RREB1: variants seen among roughly 807,000 people sequenced by gnomAD.
RREB1 encodes ras-responsive element-binding protein 1.
RREB1 carries 27 observed loss-of-function variants against 117.8 expected under a neutral mutation model. The ratio of observed to expected loss-of-function variants is 0.23; its 90% CI spans 0.17 to 0.32. RREB1 has a LOEUF of 0.32. RREB1 is among the 10% of genes least tolerant of loss of function. The pLI is 1.00. For missense variants in RREB1, 2,577 were observed against 2,378.2 expected (o/e 1.08, Z -1.74); for synonymous variants, 1,298 against 1,026.7 (o/e 1.26, Z -5.05).
intron 10 of RREB1, among the ~76,000 whole-genome samples, chr6:7,233,110 G>A (rs1441611017): frequency 6.6e-6 from 1 of 152,160 alleles, no homozygotes; most frequent in Non-Finnish European, 1.5e-5. Flanking sequence ...TGGCCAGACT[G>A]GTCTCAAACT....
intron 2 of RREB1, among the ~76,000 whole-genome samples, chr6:7,177,155 G>A (rs1764537086): frequency 6.8e-6 from 1 of 148,140 alleles, no homozygotes; most frequent in Non-Finnish European, 1.5e-5. Context: ...GGAGGCAGAG[G>A]TTGCAGTGAG....
chr6:7,173,053 A>G (rs1319122707), intron 1 of RREB1, among the ~76,000 whole-genome samples: 1 of 152,146 alleles, frequency 6.6e-6, no homozygotes, highest in Admixed American at 6.5e-5. Context: ...GAACTGGTCA[A>G]CTAGGCTCTT....
intron 11 of RREB1, among the ~76,000 whole-genome samples, chr6:7,242,928 T>TGTCCTGGACAGAGAGGC (rs1768803235): frequency 6.6e-6 from 1 of 152,224 alleles, no homozygotes; most frequent in Non-Finnish European, 1.5e-5. Flanking sequence ...CTTCATTCAC[T>TGTCCTGGACAGAGAGGC]GTCCTGGACA....
At chr6:7,158,015 C>T (rs1176576181) in intron 1 of RREB1, among the ~76,000 whole-genome samples, 1 of 152,158 alleles carries the variant, frequency 6.6e-6, no homozygotes, top group Non-Finnish European at 1.5e-5. Flanking sequence ...TCAGCCGGCT[C>T]ATGCCTGACT....
At chr6:7,181,582 C>T in intron 3 of RREB1, 1 of 562,138 alleles carries the variant, frequency 1.8e-6, no homozygotes, top group Non-Finnish European at 3.1e-6. Context: ...TCCCACTCTG[C>T]CTAACCCAGA....
At chr6:7,118,157 A>G (rs1053756768) in intron 1 of RREB1, among the ~76,000 whole-genome samples, 6 of 152,122 alleles carry the variant, frequency 3.9e-5, no homozygotes, top group African/African-American at 9.7e-5. Context: ...GTCTTGCACT[A>G]TCTCCCAGGC....
In RREB1 at chr6:7,229,296, G is replaced by C. The variant is rs368120167; in HGVS notation, c.1197G>C (p.Gln399His). Residue 399 changes from glutamine to histidine, a missense_variant, in exon 10 of 13, where the codon CAG (glutamine) becomes CAC (histidine). Physicochemically the swap from Gln to His is conservative, Grantham distance 24 (BLOSUM62 0). Coordinates refer to ENST00000379938, the MANE Select transcript of RREB1 (RefSeq NM_001003699.4). This position sits in a 1 kb window ranked among gnomAD's most constrained non-coding sequence, Gnocchi z 4.5. ...QAIQLQTLKC[Q>H]LPQDPGCTNL... ...TTCAGCTCCAGACACTCAAGTGTCA[G>C]CTACCTCAGGACCCCGGCTGCACCA... The C allele has an allele frequency of 1.1e-5, 18 of 1,614,052 alleles. No individual in the cohort carries two copies. In the African/African-American group the frequency reaches 1.9e-4, roughly 17 times the overall value.
chr6:7,118,056 T>C (rs766873896), intron 1 of RREB1, among the ~76,000 whole-genome samples: 2 of 152,256 alleles, frequency 1.3e-5, no homozygotes, highest in Non-Finnish European at 2.9e-5. Flanking sequence ...CATTCAGATA[T>C]AATATTCTAA....
At chr6:7,193,615 T>TG (rs1765521126) in intron 6 of RREB1, among the ~76,000 whole-genome samples, 1 of 152,222 alleles carries the variant, frequency 6.6e-6, no homozygotes, top group South Asian at 2.1e-4. Flanking sequence ...TGTTTTGTTT[T>TG]GTTTTTTTGG....
At chr6:7,117,388 G>GTTTTTTTTTTTTTTTTTTTTTTT in intron 1 of RREB1, among the ~76,000 whole-genome samples, 1 of 63,294 alleles carries the variant, frequency 1.6e-5, no homozygotes, top group Admixed American at 2.2e-4. Flanking sequence ...TAGGTTTCCT[G>GTTTTTTTTTTTTTTTTTTTTTTT]TTTTTTTTTT....
intron 1 of RREB1, among the ~76,000 whole-genome samples, chr6:7,161,018 A>T (rs1490002791): frequency 4.6e-5 from 7 of 151,974 alleles, no homozygotes; most frequent in African/African-American, 1.7e-4. Context: ...TTTTGTCTAG[A>T]TAGAGTTTCG....
rs1346176356 is a variant in RREB1, at chr6:7,251,384, T to C, written c.*2416T>C. 1 of 152,192 alleles carries C rather than the reference T, an allele frequency of 6.6e-6. No homozygotes were observed. Among genetic ancestry groups the C allele is most frequent in the African/African-American group, 2.4e-5 (1 of 41,444 alleles). 9.4% of individuals were successfully genotyped at this position (152,192 alleles called of 1,614,324 possible). On this transcript the variant is annotated 3_prime_UTR_variant, in exon 13 of 13. Coordinates refer to ENST00000379938, the MANE Select transcript of RREB1 (RefSeq NM_001003699.4). ...AGTTTGCATGTCCAGCTAATTTGTT[T>C]CTATACATTTTGTTTGATTCTCTTT... is the stretch of plus-strand genomic sequence containing the variant.
intron 4 of RREB1, among the ~76,000 whole-genome samples, chr6:7,186,486 C>T (rs960509423): frequency 6.6e-6 from 1 of 152,196 alleles, no homozygotes; most frequent in Non-Finnish European, 1.5e-5. Context: ...CTTCAGAAAT[C>T]TCTGAGCATC....
At chr6:7,232,052 T>C (rs1768021249) in intron 10 of RREB1, 145 bp downstream of exon 10, 2 of 817,348 alleles carry the variant, frequency 2.4e-6, no homozygotes, top group Non-Finnish European at 3.7e-6. Flanking sequence ...GCCCCGAGCT[T>C]GTCTGGTGGT....
At chr6:7,150,468 T>A (rs544262728) in intron 1 of RREB1, among the ~76,000 whole-genome samples, 21 of 152,334 alleles carry the variant, frequency 1.4e-4, no homozygotes, top group Admixed American at 1.4e-3. Context: ...TTAATTAGTT[T>A]TGAAATTAAA....
chr6:7,129,445 G>T (rs1218353075), intron 1 of RREB1, among the ~76,000 whole-genome samples: 1 of 152,218 alleles, frequency 6.6e-6, no homozygotes, highest in African/African-American at 2.4e-5. Flanking sequence ...TCAACAGTGG[G>T]CATGTGGTTT....
At chr6:7,203,497 A>AGAGGT (rs1215002767) in intron 6 of RREB1, among the ~76,000 whole-genome samples, 2 of 152,224 alleles carry the variant, frequency 1.3e-5, no homozygotes, top group African/African-American at 4.8e-5. Context: ...AAATACTGCC[A>AGAGGT]AGGAACCTGA....
chr6:7,184,746 A>G (rs1764990659), intron 4 of RREB1: 1 of 151,626 alleles, frequency 6.6e-6, no homozygotes, highest in African/African-American at 2.4e-5. Context: ...CCTGCTGTCT[A>G]TTGCAAGGTG....
At chr6:7,139,583 A>G (rs532374) in intron 1 of RREB1, among the ~76,000 whole-genome samples, 41,647 of 152,152 alleles carry the variant, frequency 0.27, 7,405 homozygotes, top group African/African-American at 0.5. Flanking sequence ...CTATTCAAAC[A>G]AATAAATATT....
Sources: gnomAD v4.1 joint callset for allele counts (sites outside exome capture counted in the v4.1 genomes callset) on GRCh38, gnomAD v4.1.1 for gene constraint, Gnocchi (gnomAD v3.1) non-coding constraint, MANE v1.5 for transcripts, NCBI Gene and HGNC (gene_info 2026-07-23, HGNC 2026-07-21) for gene names.